The following SCG5 variants were observed in gnomAD, a reference collection of about 807,000 sequenced individuals.
SCG5 encodes the protein neuroendocrine protein 7B2.
In SCG5, 18 loss-of-function variants were observed where a neutral mutation model predicts 25.7. The ratio of observed to expected loss-of-function variants is 0.70; its 90% CI spans 0.48 to 1.04. SCG5 has a LOEUF of 1.04. Ranked by LOEUF, SCG5 falls within the 50% of genes least tolerant of loss-of-function variation. The pLI is 0.00. For synonymous variants in SCG5, 101 were observed against 91.7 expected, an observed-to-expected ratio of 1.10 and a Z score of -0.58; for missense variants, 206 against 259.8, an observed-to-expected ratio of 0.79 and a Z score of 1.42.
At chr15:32,675,445 A>C (rs115071669) in intron 2 of SCG5, among the ~76,000 whole-genome samples, 161 of 152,338 alleles carry the variant, frequency 1.1e-3, no homozygotes, top group African/African-American at 3.8e-3. Context: ...ATTTCTCTCC[A>C]ACCTAGCTTT....
At chr15:32,667,208 C>T (rs952354841) in intron 2 of SCG5, among the ~76,000 whole-genome samples, 1 of 152,150 alleles carries the variant, frequency 6.6e-6, no homozygotes, top group Non-Finnish European at 1.5e-5. Flanking sequence ...TAGAACAGCA[C>T]TGCTATATAC....
intron 4 of SCG5, among the ~76,000 whole-genome samples, chr15:32,688,733 C>T (rs1296121089): frequency 1.3e-5 from 2 of 151,834 alleles, no homozygotes; most frequent in Non-Finnish European, 2.9e-5. Flanking sequence ...CCGAGGCAGG[C>T]GGATCATGAG....
intron 4 of SCG5, among the ~76,000 whole-genome samples, chr15:32,686,371 G>A (rs546934724): frequency 2.9e-4 from 44 of 152,266 alleles, no homozygotes; most frequent in African/African-American, 1.1e-3. Flanking sequence ...AATATGGGGA[G>A]TCATTTCAGT....
chr15:32,674,293 C>T (rs967673126), intron 2 of SCG5, among the ~76,000 whole-genome samples: 1 of 152,142 alleles, frequency 6.6e-6, no homozygotes, highest in Non-Finnish European at 1.5e-5. Flanking sequence ...TGAGATGGTA[C>T]TATAATCGGA....
chr15:32,687,278 G>A (rs746283804), intron 4 of SCG5, among the ~76,000 whole-genome samples: 2 of 152,086 alleles, frequency 1.3e-5, no homozygotes, highest in Admixed American at 1.3e-4. Context: ...CTTCCTTCTC[G>A]AAACACTGAC....
chr15:32,654,538 T>C (rs2054082988), intron 2 of SCG5, among the ~76,000 whole-genome samples: 1 of 152,212 alleles, frequency 6.6e-6, no homozygotes, highest in Non-Finnish European at 1.5e-5. Flanking sequence ...GTTGATCTAG[T>C]TAATTATAGG....
chr15:32,668,115 A>G (rs1460590527), intron 2 of SCG5, among the ~76,000 whole-genome samples: 1 of 152,174 alleles, frequency 6.6e-6, no homozygotes, highest in African/African-American at 2.4e-5. Context: ...CCCCTCCCCA[A>G]CGTACACACC....
At position 32,654,265 on chromosome 15, in the gene SCG5, G is replaced by C. The variant is rs1000594946; in HGVS notation, c.226+10447G>C. Among the ~76,000 whole-genome samples the C allele has an allele frequency of 2.2e-4, 33 of 152,350 alleles. 1 individual carries two copies. The highest frequency in any genetic ancestry group is 2.1e-3 in the Admixed American group (32 of 15,306). Reference sequence around the variant, plus strand: ...GGAAGTCAAAACCAAGGTGCTGGCAGATTCCGTGCCTGGGGAGAGACTGCT... The same window carrying C: ...GGAAGTCAAAACCAAGGTGCTGGCACATTCCGTGCCTGGGGAGAGACTGCT... On this transcript the variant is annotated intron_variant, in intron 2 of 5. Transcript: ENST00000300175.
intron 2 of SCG5, among the ~76,000 whole-genome samples, chr15:32,651,517 G>T (rs1221350580): frequency 1.3e-5 from 2 of 152,340 alleles, no homozygotes; most frequent in Admixed American, 1.3e-4. Context: ...TCTCTCTGCA[G>T]TTGGAGAAAG....
At chr15:32,675,680 T>C (rs1175211925) in intron 2 of SCG5, among the ~76,000 whole-genome samples, 1 of 152,216 alleles carries the variant, frequency 6.6e-6, no homozygotes, top group Non-Finnish European at 1.5e-5. Flanking sequence ...GAGTCTTCCG[T>C]GGCCTAGATC....
chr15:32,679,831 T>A lies in SCG5; in HGVS notation c.292T>A (p.Leu98Met). 1.2e-6 allele frequency: 2 copies of A among 1,613,768 alleles called. No homozygotes were observed. The highest frequency in any genetic ancestry group is 8.5e-7 in the Non-Finnish European group (1 of 1,179,824). Residue 98 changes from leucine (L) to methionine (M), a missense_variant, in exon 3 of 6, where the codon TTG becomes ATG. Coordinates refer to ENST00000300175, the MANE Select transcript of SCG5 (RefSeq NM_001144757.3). ...CAACATCCCCAACATCGTGGCAGAG[T>A]TGACTGGAGACAACATTCCTAAGGA... ...FGNIPNIVAE[L>M]TGDNIPKDFS...
At chr15:32,668,568 G>A (rs943896843) in intron 2 of SCG5, among the ~76,000 whole-genome samples, 3 of 152,222 alleles carry the variant, frequency 2.0e-5, no homozygotes, top group Admixed American at 6.5e-5. Flanking sequence ...AATGGGCACA[G>A]CGCTGCCAGG....
intron 2 of SCG5, among the ~76,000 whole-genome samples, chr15:32,673,527 CGTGTGTGTGTGTGTGTGT>C (rs55968956): frequency 1.5e-5 from 2 of 134,880 alleles, no homozygotes; most frequent in Non-Finnish European, 3.1e-5. Flanking sequence ...ATAAGATCCC[CGTGTGTGTGTGTGTGTGT>C]GTGTGTGTGT....
Position 32,680,088 on chromosome 15 carries a change from T to G in SCG5, c.376+173T>G, listed in dbSNP as rs552581990. On this transcript the variant is annotated intron_variant, in intron 3 of 5. Transcript: ENST00000300175. ...TTTATTCTAGAATTTTTATATGAGC[T>G]CTGTGTTCAGACACACCCACATAGG... Among the ~76,000 whole-genome samples the G allele has an allele frequency of 1.3e-4, 20 of 152,304 alleles. No homozygotes were observed. In the South Asian group the frequency reaches 2.1e-3, roughly 16 times the overall value.
rs532907708 is a variant in SCG5 at position 32,644,730 on chromosome 15, C to A, written c.226+912C>A. 3.3e-5 allele frequency among the ~76,000 whole-genome samples: 5 copies of A among 152,288 alleles called. No individual in the cohort carries two copies. The East Asian group carries it at 9.6e-4, about 29-fold the overall frequency. The stretch of plus-strand genomic sequence containing the variant: ...TTCAGTTAAATGCAAGGGAGCATTT[C>A]CTTATAGTTCAAGGATTTGCCCATG... On this transcript the variant is annotated intron_variant, in intron 2 of 5. Transcript: ENST00000300175.
intron 2 of SCG5, among the ~76,000 whole-genome samples, chr15:32,658,739 A>G (rs1194302512): frequency 6.6e-6 from 1 of 152,214 alleles, no homozygotes; most frequent in Non-Finnish European, 1.5e-5. Context: ...CGATGGTGGC[A>G]GGGGTAGTAG....
chr15:32,688,579 T>A (rs1332560079), intron 4 of SCG5, among the ~76,000 whole-genome samples: 1 of 152,166 alleles, frequency 6.6e-6, no homozygotes, highest in Non-Finnish European at 1.5e-5. Flanking sequence ...AGCAAGCACA[T>A]GATGTCAGGG....
intron 4 of SCG5, among the ~76,000 whole-genome samples, chr15:32,684,909 AG>A (rs1202768272): frequency 6.6e-6 from 1 of 152,226 alleles, no homozygotes; most frequent in Non-Finnish European, 1.5e-5. Flanking sequence ...CATAGTCTCC[AG>A]AGTCTTCTAC....
Position 32,679,871 on chromosome 15 carries a change from A to G in SCG5, c.332A>G (p.Gln111Arg). 5 of 1,613,770 alleles carry G rather than the reference A, an allele frequency of 3.1e-6. No individual in the cohort carries two copies. The highest frequency in any genetic ancestry group is 3.4e-6 in the Non-Finnish European group (4 of 1,179,670). Residue 111 changes from glutamine (Q) to arginine (R), a missense_variant, in exon 3 of 6, where the codon CAG (glutamine) becomes CGG (arginine). Coordinates refer to ENST00000300175, the MANE Select transcript of SCG5 (RefSeq NM_001144757.3). Reference protein sequence around the residue: ...DNIPKDFSEDQGYPDPPNPCP... With the variant: ...DNIPKDFSEDRGYPDPPNPCP... Reference sequence around the variant, plus strand: ...ATTCCTAAGGACTTTAGTGAGGATCAGGGGTACCCAGACCCTCCAAATCCC... The same window carrying G: ...ATTCCTAAGGACTTTAGTGAGGATCGGGGGTACCCAGACCCTCCAAATCCC...
Sources: allele counts gnomAD v4.1 joint callset (sites outside exome capture counted in the v4.1 genomes callset), GRCh38; gene constraint gnomAD v4.1.1; transcripts MANE v1.5; gene names NCBI Gene and HGNC (gene_info 2026-07-23, HGNC 2026-07-21).